The following EPHA6 variants were observed in gnomAD, a reference collection of about 807,000 sequenced individuals.
EPHA6 encodes the protein EPH receptor A6, also known as ephrin type-A receptor 6.
In EPHA6, 50 loss-of-function variants were observed where a neutral mutation model predicts 112.0. The ratio of observed to expected loss-of-function variants is 0.45; its 90% CI spans 0.36 to 0.56. EPHA6 has a LOEUF of 0.56. Ranked by LOEUF, EPHA6 falls within the 20% of genes least tolerant of loss-of-function variation. EPHA6 has a pLI of 0.00. For synonymous variants in EPHA6, 529 were observed against 490.7 expected, an observed-to-expected ratio of 1.08 and a Z score of -1.03; for missense variants, 1,280 against 1,417.4, an observed-to-expected ratio of 0.90 and a Z score of 1.56.
At chr3:97,046,225 C>T (rs961178119) in intron 3 of EPHA6, among the ~76,000 whole-genome samples, 1 of 152,086 alleles carries the variant, frequency 6.6e-6, no homozygotes, top group Non-Finnish European at 1.5e-5. Context: ...AAAACGAATG[C>T]AGCATGACCT....
chr3:97,002,837 A>G (rs998702074), intron 3 of EPHA6, among the ~76,000 whole-genome samples: 3 of 152,180 alleles, frequency 2.0e-5, no homozygotes, highest in African/African-American at 7.2e-5. Flanking sequence ...CTAGAAGAGT[A>G]TTCCTGGCAG....
chr3:97,044,424 CA>C, intron 3 of EPHA6, among the ~76,000 whole-genome samples: 1 of 152,208 alleles, frequency 6.6e-6, no homozygotes, highest in South Asian at 2.1e-4. Context: ...CAGGAAGGCT[CA>C]AAACCATTTT....
intron 3 of EPHA6, among the ~76,000 whole-genome samples, chr3:97,184,377 A>T (rs2077066471): frequency 6.6e-6 from 1 of 152,160 alleles, no homozygotes; most frequent in Non-Finnish European, 1.5e-5. Context: ...CATCCTCTAC[A>T]AAATCAGTGT....
intron 1 of EPHA6, among the ~76,000 whole-genome samples, chr3:96,861,837 G>A (rs952103945): frequency 3.3e-5 from 5 of 151,910 alleles, no homozygotes; most frequent in African/African-American, 1.2e-4. Flanking sequence ...AAGAAAGTAT[G>A]ATCCTCTTTA....
chr3:97,661,886 T>C (rs1025828039), intron 14 of EPHA6, among the ~76,000 whole-genome samples: 1 of 152,174 alleles, frequency 6.6e-6, no homozygotes, highest in Non-Finnish European at 1.5e-5. Context: ...AAGTGCATGA[T>C]TGGCATATAC....
chr3:96,984,215 G>A (rs931870811), intron 2 of EPHA6, among the ~76,000 whole-genome samples: 8 of 151,992 alleles, frequency 5.3e-5, no homozygotes, highest in Non-Finnish European at 7.4e-5. Flanking sequence ...TGATGGTGAC[G>A]TGCAGATGGG....
chr3:97,761,084 A>G lies in EPHA6; in HGVS notation c.*12383A>G. 4.8e-6 allele frequency: 1 copy of G among 207,870 alleles called. No homozygotes were observed. Among genetic ancestry groups the G allele is most frequent in the Non-Finnish European group, 9.8e-6 (1 of 101,908 alleles). The allele number at this position is 207,870 out of a possible 1,614,324, so 12.9% of individuals were successfully genotyped here. On this transcript the variant is annotated 3_prime_UTR_variant, in exon 18 of 18. Coordinates refer to ENST00000389672, the MANE Select transcript of EPHA6 (RefSeq NM_001080448.3). Reference sequence around the variant, plus strand: ...TATAATCACAATATGGTAGAGCTATAAACAAGGTAAAAAGGTGTTAACAAT... The same window carrying G: ...TATAATCACAATATGGTAGAGCTATGAACAAGGTAAAAAGGTGTTAACAAT...
chr3:97,640,320 G>A (rs1309529307), intron 14 of EPHA6, among the ~76,000 whole-genome samples: 2 of 152,142 alleles, frequency 1.3e-5, no homozygotes, highest in African/African-American at 4.8e-5. Flanking sequence ...AAAATTTGGG[G>A]CCATAGGCAA....
At chr3:97,224,406 T>G (rs1488237707) in intron 3 of EPHA6, among the ~76,000 whole-genome samples, 1 of 152,156 alleles carries the variant, frequency 6.6e-6, no homozygotes, top group Non-Finnish European at 1.5e-5. Flanking sequence ...AAGTGGGAAA[T>G]TAACAGAAAA....
At chr3:97,547,505 G>A (rs958780239) in intron 11 of EPHA6, among the ~76,000 whole-genome samples, 2 of 152,126 alleles carry the variant, frequency 1.3e-5, no homozygotes, top group African/African-American at 4.8e-5. Context: ...TAGGCTACTT[G>A]GGGGTCAGGG....
rs2080483333 is a variant in EPHA6 at position 97,286,876 on chromosome 3, G to A, written c.1606+42589G>A. ...TTAATTCTTCCAATCCATGAGCATG[G>A]GTTGTCTTTCCATTTGTTTGTATCT... On this transcript the variant is annotated intron_variant, in intron 5 of 17. Transcript: ENST00000389672. 2.6e-5 allele frequency among the ~76,000 whole-genome samples: 4 copies of A among 151,748 alleles called. No individual in the cohort carries two copies. The South Asian group carries it at 8.3e-4, about 32-fold the overall frequency.
At chr3:97,417,029 A>G (rs1171221955) in intron 6 of EPHA6, among the ~76,000 whole-genome samples, 1 of 152,204 alleles carries the variant, frequency 6.6e-6, no homozygotes, top group African/African-American at 2.4e-5. Context: ...TTCTCAAAAT[A>G]TTAGTTTGGA....
chr3:96,815,582 T>G (rs898041808), intron 1 of EPHA6, among the ~76,000 whole-genome samples: 2 of 151,770 alleles, frequency 1.3e-5, no homozygotes, highest in African/African-American at 4.8e-5. Flanking sequence ...TGTGTAGGGG[T>G]TTCATATTCT....
intron 5 of EPHA6, among the ~76,000 whole-genome samples, chr3:97,314,910 A>T (rs2081743039): frequency 6.6e-6 from 1 of 151,682 alleles, no homozygotes; most frequent in Admixed American, 6.6e-5. Flanking sequence ...ATCTTTATCT[A>T]GCAAGAGGTG....
chr3:96,874,709 G>A lies in EPHA6; in HGVS notation c.450+7820G>A, dbSNP rs201822443. Among the ~76,000 whole-genome samples, 6 of 152,218 alleles carry A rather than the reference G, an allele frequency of 3.9e-5. No homozygotes were observed. The East Asian group carries it at 1.2e-3, about 29-fold the overall frequency. On this transcript the variant is annotated intron_variant, in intron 2 of 17. Transcript: ENST00000389672. ...CTAGTTCAATGACTGACCAGCTCCTGTCACCTCTCATGGGGATTTCCATAA... is the reference window on the plus strand; with the variant it reads ...CTAGTTCAATGACTGACCAGCTCCTATCACCTCTCATGGGGATTTCCATAA...
chr3:96,838,557 A>T (rs183944237), intron 1 of EPHA6, among the ~76,000 whole-genome samples: 1 of 152,132 alleles, frequency 6.6e-6, no homozygotes, highest in Admixed American at 6.6e-5. Flanking sequence ...CATCAGCAGC[A>T]TCTGTGTTTT....
chr3:97,056,347 A>G (rs1230034207), intron 3 of EPHA6, among the ~76,000 whole-genome samples: 8 of 152,174 alleles, frequency 5.3e-5, no homozygotes, highest in Admixed American at 3.9e-4. Flanking sequence ...CCTAAATTTG[A>G]CATCCTTACA....
chr3:97,668,943 A>AAAAT (rs2030473782), intron 14 of EPHA6, among the ~76,000 whole-genome samples: 2 of 149,712 alleles, frequency 1.3e-5, no homozygotes, highest in Non-Finnish European at 3.0e-5. Flanking sequence ...AAAAAAAAAA[A>AAAAT]ATCCACTAAG....
At chr3:97,242,029 A>G (rs560532142) in intron 4 of EPHA6, among the ~76,000 whole-genome samples, 2 of 151,804 alleles carry the variant, frequency 1.3e-5, no homozygotes, top group Non-Finnish European at 3.0e-5. Context: ...TCTCTAGTGT[A>G]TCATCCCCTT....
Sources: allele counts gnomAD v4.1 joint callset (sites outside exome capture counted in the v4.1 genomes callset), GRCh38; gene constraint gnomAD v4.1.1; transcripts MANE v1.5; gene names NCBI Gene and HGNC (gene_info 2026-07-23, HGNC 2026-07-21).